Variants in SERPINA11 observed in about 807,000 individuals in gnomAD.
The protein encoded by SERPINA11 is serpin A11.
SERPINA11 carries 28 observed loss-of-function variants against 29.4 expected under a neutral mutation model. That is an observed-to-expected ratio of 0.95 (90% CI 0.70 to 1.30). The LOEUF (loss-of-function observed/expected upper bound fraction) is 1.30. Among genes scored for constraint, SERPINA11 ranks in the 50% most tolerant of loss-of-function variants. The pLI is 0.00. For synonymous variants in SERPINA11, 253 were observed against 206.6 expected, an observed-to-expected ratio of 1.22 and a Z score of -1.92; for missense variants, 530 against 507.3, an observed-to-expected ratio of 1.04 and a Z score of -0.43.
intron 1 of SERPINA11, 81 bp from the exon 2 acceptor site, chr14:94,448,858 C>T (rs1307972529): frequency 7.5e-7 from 1 of 1,334,634 alleles, no homozygotes; most frequent in Non-Finnish European, 1.0e-6. Flanking sequence ...CAAATCCCAC[C>T]TTCACAATGT....
At position 94,448,158 on chromosome 14, in the gene SERPINA11, A is replaced by G; in HGVS notation, c.617T>C (p.Val206Ala). 2 of 1,614,076 alleles carry G rather than the reference A, an allele frequency of 1.2e-6. No homozygotes were observed. Among genetic ancestry groups the G allele is most frequent in the East Asian group, 2.2e-5 (1 of 44,880 alleles). ...LPEFSQDTFMVLANYIFFKAK... is the reference protein window; with the variant it reads ...LPEFSQDTFMALANYIFFKAK... ...TTTGAAGAAGATGTAATTGGCAAGA[A>G]CCATGAACGTGTCCTGGCTGAACTC... Residue 206 changes from valine (V) to alanine (A), a missense_variant, in exon 2 of 5, where the codon GTT (valine) becomes GCT (alanine). Transcript: ENST00000334708.
intron 1 of SERPINA11, among the ~76,000 whole-genome samples, chr14:94,450,573 T>C (rs1898569245): frequency 6.6e-6 from 1 of 152,254 alleles, no homozygotes; most frequent in South Asian, 2.1e-4. Flanking sequence ...CCCTTGATCT[T>C]GGACTTCTAA....
Position 94,446,431 on chromosome 14 carries a change from A to T in SERPINA11, c.817T>A (p.Leu273Met). The change falls in exon 3 of 5, where the codon TTG becomes ATG. Residue 273 changes from leucine (L) to methionine (M), a missense_variant. Leu to Met is a conservative substitution (Grantham distance 15, BLOSUM62 2). Transcript: ENST00000334708. Reference protein sequence around the residue: ...VLQIEYRGNALALLVLPDPGK... With the variant: ...VLQIEYRGNAMALLVLPDPGK... ...GGGTCAGGGAGGACCAGCAGCGCCA[A>T]GGCATTTCCTCTGTATTCTATCTGG... The T allele has an allele frequency of 6.2e-7, 1 of 1,614,174 alleles. No homozygotes were observed. Among genetic ancestry groups the T allele is most frequent in the Non-Finnish European group, 8.5e-7 (1 of 1,180,008 alleles).
intron 1 of SERPINA11, 73 bp downstream of exon 1, chr14:94,452,654 CAG>C (rs138192686): frequency 0.022 from 3,164 of 142,174 alleles, 103 homozygotes; most frequent in African/African-American, 0.076. Context: ...CACACAGAGA[CAG>C]AGAGAGAGAG....
At chr14:94,448,111 T>A in intron 2 of SERPINA11, 21 bp downstream of exon 2, 1 of 1,605,416 alleles carries the variant, frequency 6.2e-7, no homozygotes, top group Non-Finnish European at 8.5e-7. Context: ...GTGGCAATAA[T>A]TCTGTCAGAG....
intron 3 of SERPINA11, 25 bp downstream of exon 3, chr14:94,446,291 TGAGCAAGGTCAGCCA>T: frequency 6.3e-7 from 1 of 1,581,458 alleles, no homozygotes; most frequent in Non-Finnish European, 8.6e-7. Context: ...CTGGGGTTCT[TGAGCAAGGTCAGCCA>T]GCATCCTTCT....
At chr14:94,449,463 TTC>T (rs1898535794) in intron 1 of SERPINA11, among the ~76,000 whole-genome samples, 2 of 97,730 alleles carry the variant, frequency 2.0e-5, no homozygotes, top group East Asian at 2.5e-4. Flanking sequence ...CTTTCTTTCT[TTC>T]TTTCTTTCTT....
At chr14:94,449,471 T>TTC (rs1566784732) in intron 1 of SERPINA11, among the ~76,000 whole-genome samples, 6 of 108,638 alleles carry the variant, frequency 5.5e-5, no homozygotes, top group African/African-American at 2.3e-4. Flanking sequence ...CTTTCTTTCT[T>TTC]TCTTTCTTTC....
intron 1 of SERPINA11, among the ~76,000 whole-genome samples, chr14:94,450,492 G>C (rs1331326121): frequency 1.3e-5 from 2 of 152,172 alleles, no homozygotes; most frequent in African/African-American, 4.8e-5. Context: ...AACTAGGAGA[G>C]AGGCAAAGCT....
In SERPINA11 at chr14:94,448,517, C is replaced by G. The variant is rs1358758188; in HGVS notation, c.258G>C (p.Leu86=). The change falls in exon 2 of 5, where the codon CTG becomes CTC. Residue 86 remains leucine (L), a synonymous_variant. Transcript: ENST00000334708. ...SPVSISTTLA[L]LSLGAQANTS... The stretch of plus-strand genomic sequence containing the variant: ...TGTTAGCTTGGGCCCCAAGAGAGAG[C>G]AGGGCCAGGGTGGTGGAGATGCTCA... The G allele has an allele frequency of 9.9e-6, 16 of 1,614,048 alleles. No individual in the cohort carries two copies. The highest frequency in any genetic ancestry group is 1.3e-5 in the Non-Finnish European group (15 of 1,180,036).
At chr14:94,443,040 C>T in intron 4 of SERPINA11, 38 bp downstream of exon 4, 2 of 1,583,906 alleles carry the variant, frequency 1.3e-6, no homozygotes, top group South Asian at 1.2e-5. Context: ...TCCTACCTAC[C>T]CCCACCTGCC....
intron 2 of SERPINA11, 43 bp from the exon 3 acceptor site, chr14:94,446,647 G>C: frequency 1.3e-6 from 2 of 1,571,360 alleles, no homozygotes; most frequent in East Asian, 2.2e-5. Context: ...CTCTTTTCAA[G>C]AGAGCAACTC....
rs902711194 is a variant in SERPINA11, at chr14:94,448,671, G to C, written c.104C>G (p.Pro35Arg). ...TGGCTCTGAGAGCTGATGCCTGGGG[G>C]GTTGAGGCCCCTGCAGACTTTTATC... ...HGDKSLQGPQ[P>R]PRHQLSEPAP... The change falls in exon 2 of 5, where the codon CCC (proline) becomes CGC (arginine). Residue 35 changes from proline (P) to arginine (R), a missense_variant. Transcript: ENST00000334708. The C allele has an allele frequency of 6.4e-7, 1 of 1,572,034 alleles. No homozygotes were observed. Among genetic ancestry groups the C allele is most frequent in the South Asian group, 1.2e-5 (1 of 84,082 alleles).
chr14:94,446,625 A>G, intron 2 of SERPINA11, 21 bp from the exon 3 acceptor site: 1 of 1,598,786 alleles, frequency 6.3e-7, no homozygotes, highest in Non-Finnish European at 8.5e-7. Flanking sequence ...AAAACCCATA[A>G]GGCCATGAGA....
rs556274873 is a variant in SERPINA11, at chr14:94,448,664, C to T, written c.111G>A (p.Arg37=). 3 of 1,582,260 alleles carry T rather than the reference C, an allele frequency of 1.9e-6. No individual in the cohort carries two copies. The highest frequency in any genetic ancestry group is 2.7e-5 in the African/African-American group (2 of 73,830). ...DKSLQGPQPP[R]HQLSEPAPAY... The stretch of plus-strand genomic sequence containing the variant: ...CGGGGGCTGGCTCTGAGAGCTGATG[C>T]CTGGGGGGTTGAGGCCCCTGCAGAC... The change falls in exon 2 of 5, where the codon AGG becomes AGA. Residue 37 remains arginine, a synonymous_variant. Coordinates refer to ENST00000334708, the MANE Select transcript of SERPINA11 (RefSeq NM_001080451.2).
intron 1 of SERPINA11, among the ~76,000 whole-genome samples, chr14:94,450,926 C>T (rs956327272): frequency 2.0e-5 from 3 of 152,112 alleles, no homozygotes; most frequent in African/African-American, 4.8e-5. Flanking sequence ...GACTCATGAC[C>T]ACATTGCTAC....
At chr14:94,446,890 C>T (rs1898450866) in intron 2 of SERPINA11, among the ~76,000 whole-genome samples, 1 of 152,234 alleles carries the variant, frequency 6.6e-6, no homozygotes, top group African/African-American at 2.4e-5. Flanking sequence ...ATGTGTTAGA[C>T]ATTATCTCTT....
chr14:94,442,653 G>T lies in SERPINA11; in HGVS notation c.1222C>A (p.Gln408Lys), dbSNP rs769979014. ...ACTTTTCCCAGGAAGAGTAAGCTCT[G>T]GGTGGTGACCTCCCAAAGGAGCAAG... ...FLLLLWEVTT[Q>K]SLLFLGKVVN... The change falls in exon 5 of 5, where the codon CAG becomes AAG. Residue 408 changes from glutamine (Q) to lysine (K), a missense_variant. Physicochemically the swap from Gln to Lys is moderately conservative, Grantham distance 53. Transcript: ENST00000334708. 5.6e-6 allele frequency: 9 copies of T among 1,612,540 alleles called. No individual in the cohort carries two copies. In the South Asian group the frequency reaches 6.6e-5, roughly 12 times the overall value.
At chr14:94,442,908 G>A (rs1898370599) in intron 4 of SERPINA11, 99 bp from the exon 5 acceptor site, 3 of 1,296,684 alleles carry the variant, frequency 2.3e-6, no homozygotes, top group Non-Finnish European at 3.2e-6. Context: ...CCTAAGGAAG[G>A]GGAGGTAGAG....
Sources: gnomAD v4.1 joint callset for allele counts (sites outside exome capture counted in the v4.1 genomes callset) on GRCh38, gnomAD v4.1.1 for gene constraint, MANE v1.5 for transcripts, NCBI Gene and HGNC (gene_info 2026-07-23, HGNC 2026-07-21) for gene names.